Variants in CCDC146 observed in about 807,000 individuals in gnomAD.
The protein encoded by CCDC146 is coiled-coil domain-containing protein 146.
CCDC146 carries 92 observed loss-of-function variants against 119.3 expected under a neutral mutation model. The observed-to-expected ratio is 0.77, with a 90% CI of 0.65 to 0.92. CCDC146 has a LOEUF of 0.92. Ranked by LOEUF, CCDC146 falls within the 40% of genes least tolerant of loss-of-function variation. The pLI is 0.00. For missense variants in CCDC146, 1,000 were observed against 1,103.0 expected (o/e 0.91, Z 1.32); for synonymous variants, 372 against 371.8 (o/e 1.00, Z -0.01).
rs948001070 is a variant in CCDC146 at position 77,260,771 on chromosome 7, T to G, written c.986+535T>G. On this transcript the variant is annotated intron_variant, in intron 8 of 18. Coordinates refer to ENST00000285871, the MANE Select transcript of CCDC146 (RefSeq NM_020879.3). ...CCTCCCGAGTAGTTGGGACTACATG[T>G]GCGCACCACCACGCCCGGCTAATTT... Among the ~76,000 whole-genome samples the G allele has an allele frequency of 8.3e-5, 12 of 144,200 alleles. No homozygotes were observed. The East Asian group carries it at 2.5e-3, about 30-fold the overall frequency. The allele number at this position is 144,200 out of a possible 152,430, so 94.6% of individuals were successfully genotyped here.
At chr7:77,282,012 C>T (rs2150548485) in intron 14 of CCDC146, among the ~76,000 whole-genome samples, 1 of 152,312 alleles carries the variant, frequency 6.6e-6, no homozygotes, top group East Asian at 1.9e-4. Flanking sequence ...ATTCTCCATT[C>T]AAGGAGGGGT....
intron 1 of CCDC146, among the ~76,000 whole-genome samples, chr7:77,163,546 CG>C: frequency 6.6e-6 from 1 of 152,134 alleles, no homozygotes; most frequent in Admixed American, 6.6e-5. Flanking sequence ...ATATTCAATA[CG>C]TTTATAAATA....
chr7:77,228,679 A>G (rs1792563902), intron 2 of CCDC146, among the ~76,000 whole-genome samples: 1 of 152,226 alleles, frequency 6.6e-6, no homozygotes, highest in African/African-American at 2.4e-5. Flanking sequence ...ATACCCATTA[A>G]TGGGATTGCT....
intron 9 of CCDC146, among the ~76,000 whole-genome samples, chr7:77,266,789 A>G (rs1398657500): frequency 6.6e-6 from 1 of 152,124 alleles, no homozygotes; most frequent in Admixed American, 6.5e-5. Context: ...AGCCCAAAGC[A>G]CAAATTTATA....
intron 1 of CCDC146, among the ~76,000 whole-genome samples, chr7:77,135,492 CGAAA>C (rs1222369287): frequency 6.7e-6 from 1 of 148,208 alleles, no homozygotes; most frequent in South Asian, 2.2e-4. Flanking sequence ...AGAGAGAGAG[CGAAA>C]GAAAGAGAGA....
intron 1 of CCDC146, among the ~76,000 whole-genome samples, chr7:77,139,110 A>G (rs1790898485): frequency 6.6e-6 from 1 of 152,254 alleles, no homozygotes; most frequent in Non-Finnish European, 1.5e-5. Context: ...AGCAACCCAG[A>G]TGTCCTTCAG....
At chr7:77,290,411 A>T (rs1793923568) in intron 17 of CCDC146, among the ~76,000 whole-genome samples, 1 of 152,168 alleles carries the variant, frequency 6.6e-6, no homozygotes. Context: ...AAGAAAAAAA[A>T]AGTGTGCCGT....
chr7:77,290,440 T>A (rs933301498), intron 17 of CCDC146, among the ~76,000 whole-genome samples: 9 of 151,550 alleles, frequency 5.9e-5, no homozygotes, highest in Non-Finnish European at 1.3e-4. Flanking sequence ...GGAAAATGAC[T>A]CCCCCCAAAG....
chr7:77,200,477 A>T (rs1218899726), intron 2 of CCDC146, among the ~76,000 whole-genome samples: 1 of 152,262 alleles, frequency 6.6e-6, no homozygotes, highest in Admixed American at 6.5e-5. Flanking sequence ...GACCCATTTA[A>T]AAGGACATAA....
chr7:77,133,853 A>T (rs1481674226), intron 1 of CCDC146, among the ~76,000 whole-genome samples: 1 of 150,946 alleles, frequency 6.6e-6, no homozygotes, highest in Non-Finnish European at 1.5e-5. Flanking sequence ...ACACACACAC[A>T]CTCACACACA....
At chr7:77,283,449 A>C (rs913515384) in intron 15 of CCDC146, among the ~76,000 whole-genome samples, 1 of 152,236 alleles carries the variant, frequency 6.6e-6, no homozygotes, top group Non-Finnish European at 1.5e-5. Flanking sequence ...TGTGTAGCCT[A>C]AACTTGTTCC....
chr7:77,188,930 C>T lies in CCDC146; in HGVS notation c.156+21106C>T, dbSNP rs142360489. ...GTGGGATGCAACTGTGCTGGCTCCT[C>T]CTCATCTCCAACTTCTGCAAGGCCA... On this transcript the variant is annotated intron_variant, in intron 2 of 18. Coordinates refer to ENST00000285871, the MANE Select transcript of CCDC146 (RefSeq NM_020879.3). Among the ~76,000 whole-genome samples the T allele has an allele frequency of 1.7e-3, 259 of 152,264 alleles. 9 individuals carry two copies. The East Asian group carries it at 0.045, about 26-fold the overall frequency.
intron 5 of CCDC146, 67 bp downstream of exon 5, chr7:77,254,630 T>A: frequency 1.1e-6 from 1 of 886,090 alleles, no homozygotes; most frequent in Non-Finnish European, 1.8e-6. Flanking sequence ...TTATAAATAT[T>A]AATGTTTATC....
At chr7:77,241,947 A>G in intron 4 of CCDC146, 47 bp downstream of exon 4, 1 of 1,426,364 alleles carries the variant, frequency 7.0e-7, no homozygotes, top group East Asian at 2.3e-5. Context: ...TTTTCCTCAT[A>G]AATAGAAAAA....
Position 77,199,987 on chromosome 7 carries a change from A to G in CCDC146, c.156+32163A>G, listed in dbSNP as rs3093272. ...TGCCAAAAACTGTAACTTACTCTCAATAGAAATAATATGCATTGAAATTAT... is the reference window on the plus strand; with the variant it reads ...TGCCAAAAACTGTAACTTACTCTCAGTAGAAATAATATGCATTGAAATTAT... On this transcript the variant is annotated intron_variant, in intron 2 of 18. Transcript: ENST00000285871. 3.9e-3 allele frequency: 2,198 copies of G among 558,586 alleles called. 35 individuals carry two copies. The highest frequency in any genetic ancestry group is 0.036 in the African/African-American group (1,946 of 53,432). The allele number at this position is 558,586 out of a possible 1,614,324, so 34.6% of individuals were successfully genotyped here. A position where few individuals can be genotyped will look rare whatever the true frequency, so the allele number is the denominator to read the frequency against.
At chr7:77,215,648 C>A (rs1256398845) in intron 2 of CCDC146, among the ~76,000 whole-genome samples, 1 of 152,072 alleles carries the variant, frequency 6.6e-6, no homozygotes, top group Non-Finnish European at 1.5e-5. Flanking sequence ...TATTTAACCT[C>A]TTCAGTCTTA....
intron 1 of CCDC146, among the ~76,000 whole-genome samples, chr7:77,158,747 T>A (rs1400741733): frequency 6.6e-6 from 1 of 152,196 alleles, no homozygotes; most frequent in East Asian, 1.9e-4. Flanking sequence ...CTCTAACTTC[T>A]GACCTCGTGA....
chr7:77,133,596 G>A (rs144963987), intron 1 of CCDC146, among the ~76,000 whole-genome samples: 30 of 150,824 alleles, frequency 2.0e-4, no homozygotes, highest in African/African-American at 6.6e-4. Context: ...CACTTGCCTC[G>A]GCCTCCCAAA....
At chr7:77,291,702 T>C (rs1793946748) in intron 17 of CCDC146, among the ~76,000 whole-genome samples, 1 of 152,186 alleles carries the variant, frequency 6.6e-6, no homozygotes, top group Non-Finnish European at 1.5e-5. Flanking sequence ...AGTGAGACCC[T>C]GTCTCAAAAC....
Sources: gnomAD v4.1 joint callset for allele counts (sites outside exome capture counted in the v4.1 genomes callset) on GRCh38, gnomAD v4.1.1 for gene constraint, MANE v1.5 for transcripts, NCBI Gene and HGNC (gene_info 2026-07-23, HGNC 2026-07-21) for gene names.